Variants in KANSL1 observed in about 807,000 individuals in gnomAD.
The protein encoded by KANSL1 is KAT8 regulatory NSL complex subunit 1.
In KANSL1, 22 loss-of-function variants were observed where a neutral mutation model predicts 103.6. The observed-to-expected ratio is 0.21, with a 90% confidence interval of 0.15 to 0.30. The LOEUF (loss-of-function observed/expected upper bound fraction) is 0.30. Ranked by LOEUF, KANSL1 falls within the 10% of genes least tolerant of loss-of-function variation. The probability of loss-of-function intolerance (pLI) is 1.00; values close to 1 mark genes in which losing one functional copy is unlikely to be tolerated. For missense variants in KANSL1, 1,337 were observed against 1,399.8 expected (o/e 0.96, Z 0.72); for synonymous variants, 600 against 527.6 (o/e 1.14, Z -1.88).
At chr17:46,108,942 A>G (rs536338056) in intron 2 of KANSL1, among the ~76,000 whole-genome samples, 1 of 152,240 alleles carries the variant, frequency 6.6e-6, no homozygotes, top group South Asian at 2.1e-4. Context: ...TACTAACAAG[A>G]TATTTGAGAG....
chr17:46,087,873 T>A lies in KANSL1; in HGVS notation c.1432-5331A>T, dbSNP rs187544341. On this transcript the variant is annotated intron_variant, in intron 3 of 14. Transcript: ENST00000432791. Reference sequence around the variant, plus strand: ...AAGGTTAGCATTAGCTGAGAAAACTTCATAATGTTCTACTCCACACCTGTC... The same window carrying A: ...AAGGTTAGCATTAGCTGAGAAAACTACATAATGTTCTACTCCACACCTGTC... Among the ~76,000 whole-genome samples, 125 of 124,916 alleles carry A rather than the reference T, an allele frequency of 1.0e-3. 1 individual carries two copies. Among genetic ancestry groups the A allele is most frequent in the Non-Finnish European group, 1.4e-3 (69 of 50,352 alleles). The allele number at this position is 124,916 out of a possible 152,430, so 81.9% of individuals were successfully genotyped here.
intron 1 of KANSL1, among the ~76,000 whole-genome samples, chr17:46,216,528 G>C (rs566491759): frequency 2.2e-4 from 33 of 150,086 alleles, no homozygotes; most frequent in Non-Finnish European, 4.3e-4. Context: ...GAACCCAGGA[G>C]ACGGAGGTTG....
intron 2 of KANSL1, among the ~76,000 whole-genome samples, chr17:46,113,984 A>C (rs901316596): frequency 6.6e-6 from 1 of 152,178 alleles, no homozygotes; most frequent in Admixed American, 6.5e-5. Flanking sequence ...ATGAGCCCAA[A>C]ATGGGGCCCA....
chr17:46,216,368 G>A (rs1445037980), intron 1 of KANSL1, among the ~76,000 whole-genome samples: 2 of 152,120 alleles, frequency 1.3e-5, no homozygotes, highest in East Asian at 1.9e-4. Flanking sequence ...GGGAGGCCGA[G>A]GCAGGTGGAT....
chr17:46,066,707 T>C lies in KANSL1; in HGVS notation c.1678A>G (p.Ile560Val). The C allele has an allele frequency of 6.2e-7, 1 of 1,614,066 alleles. No individual in the cohort carries two copies. Among genetic ancestry groups the C allele is most frequent in the Non-Finnish European group, 8.5e-7 (1 of 1,179,980 alleles). ...NTLQPVLADH[I>V]PGDSSDAEEQ... The stretch of plus-strand genomic sequence containing the variant: ...TCAGCATCAGAGCTGTCACCTGGAA[T>C]GTGGTCTGCCAAGACAGGCTGAAGA... Residue 560 changes from isoleucine (I) to valine (V), a missense_variant, in exon 6 of 15, where the codon ATT (isoleucine) becomes GTT (valine). Physicochemically the swap from Ile to Val is conservative, Grantham distance 29 (BLOSUM62 3). This residue lies in a region of KANSL1 where 780 missense variants were observed against 923.4 expected (regional missense o/e 0.84). Coordinates refer to ENST00000432791, the MANE Select transcript of KANSL1 (RefSeq NM_015443.4).
chr17:46,126,196 C>T (rs1019668901), intron 2 of KANSL1, among the ~76,000 whole-genome samples: 1 of 152,196 alleles, frequency 6.6e-6, no homozygotes, highest in Non-Finnish European at 1.5e-5. Context: ...AATCCCAGCA[C>T]TTTGGGAGGC....
chr17:46,034,347 C>G, intron 10 of KANSL1, 62 bp from the exon 11 acceptor site: 1 of 1,582,992 alleles, frequency 6.3e-7, no homozygotes, highest in Non-Finnish European at 8.6e-7. Context: ...AATCATTCAT[C>G]TAAGAGTTAA....
chr17:46,092,715 T>TTTTTGG (rs1568438853), intron 3 of KANSL1, among the ~76,000 whole-genome samples: 1 of 21,618 alleles, frequency 4.6e-5, no homozygotes, highest in African/African-American at 3.4e-4. Flanking sequence ...TTTTTTTTTT[T>TTTTTGG]GGGGGGGGGG....
intron 1 of KANSL1, 32 bp from the exon 2 acceptor site, chr17:46,172,264 A>C: frequency 1.0e-6 from 1 of 969,664 alleles, no homozygotes; most frequent in Non-Finnish European, 1.5e-6. Context: ...AATATTAGAA[A>C]TACAAGCACT....
At chr17:46,046,656 T>TA (rs2077519482) in intron 7 of KANSL1, among the ~76,000 whole-genome samples, 1 of 145,958 alleles carries the variant, frequency 6.9e-6, no homozygotes, top group Non-Finnish European at 1.5e-5. Flanking sequence ...GCCAATATGG[T>TA]GAAACCCCCA....
chr17:46,140,061 C>G (rs768085296), intron 2 of KANSL1, among the ~76,000 whole-genome samples: 2 of 152,134 alleles, frequency 1.3e-5, no homozygotes, highest in Non-Finnish European at 2.9e-5. Context: ...CCTTCCCTTC[C>G]TCCATCCCAA....
At chr17:46,061,887 T>G in intron 6 of KANSL1, among the ~76,000 whole-genome samples, 1 of 151,994 alleles carries the variant, frequency 6.6e-6, no homozygotes, top group East Asian at 1.9e-4. Context: ...AAGTCAGGAG[T>G]TCGAGACCAG....
intron 2 of KANSL1, among the ~76,000 whole-genome samples, chr17:46,120,200 TGTAAGTTAAAAAA>T (rs2043218881): frequency 1.3e-5 from 2 of 152,192 alleles, no homozygotes; most frequent in Non-Finnish European, 2.9e-5. Context: ...CATGGAGCCA[TGTAAGTTAAAAAA>T]GAATCTTAAA....
upstream of KANSL1, chr17:46,193,603 C>A (rs2047481429): frequency 3.8e-6 from 1 of 262,120 alleles, no homozygotes; most frequent in Non-Finnish European, 8.0e-6. Flanking sequence ...CCGCCTCAGT[C>A]ATGGCTCCTC....
At chr17:46,078,441 G>A (rs1188143997) in intron 4 of KANSL1, among the ~76,000 whole-genome samples, 1 of 152,194 alleles carries the variant, frequency 6.6e-6, no homozygotes, top group Non-Finnish European at 1.5e-5. Flanking sequence ...TCTGAAAGGG[G>A]CTCAAATAGA....
At chr17:46,084,381 CCAACAACAA>C (rs74515016) in intron 3 of KANSL1, among the ~76,000 whole-genome samples, 10 of 151,334 alleles carry the variant, frequency 6.6e-5, no homozygotes, top group Middle Eastern at 3.4e-3. Context: ...GGCTCTATCT[CCAACAACAA>C]CAACAACAAC....
At chr17:46,040,165 G>A in intron 7 of KANSL1, 1 of 418,148 alleles carries the variant, frequency 2.4e-6, no homozygotes, top group Non-Finnish European at 4.2e-6. Context: ...CTTGTTTGTT[G>A]AATTTACTGG....
At chr17:46,095,181 T>C (rs2042008427) in intron 2 of KANSL1, among the ~76,000 whole-genome samples, 1 of 152,226 alleles carries the variant, frequency 6.6e-6, no homozygotes, top group Non-Finnish European at 1.5e-5. Flanking sequence ...TAAATATCTT[T>C]ACAGAGAAAA....
chr17:46,151,770 C>T (rs1309658016), intron 2 of KANSL1, among the ~76,000 whole-genome samples: 1 of 152,252 alleles, frequency 6.6e-6, no homozygotes, highest in Non-Finnish European at 1.5e-5. Context: ...TTAAATCTAG[C>T]ATGTTGAGGC....
Sources: allele counts gnomAD v4.1 joint callset (sites outside exome capture counted in the v4.1 genomes callset), GRCh38; gene constraint gnomAD v4.1.1; regional missense constraint gnomAD v4.1.1; transcripts MANE v1.5; gene names NCBI Gene and HGNC (gene_info 2026-07-23, HGNC 2026-07-21).